Variants in SLC25A33 observed in about 807,000 individuals in gnomAD.
The protein encoded by SLC25A33 is solute carrier family 25 member 33, also known as bone marrow stromal cell mitochondrial carrier protein.
Under a neutral mutation model 35.5 loss-of-function variants are expected in SLC25A33, and 15 were observed. The ratio of observed to expected loss-of-function variants is 0.42; its 90% CI spans 0.28 to 0.65. SLC25A33 has a LOEUF of 0.65. Among genes scored for constraint, SLC25A33 ranks in the 30% least tolerant of loss-of-function variants. The probability of loss-of-function intolerance (pLI) is 0.20; values close to 1 mark genes in which losing one functional copy is unlikely to be tolerated. For missense variants in SLC25A33, 257 were observed against 398.5 expected (o/e 0.64, Z 3.02); for synonymous variants, 136 against 148.7 (o/e 0.91, Z 0.62).
chr1:9,563,189 G>A (rs998031125), intron 2 of SLC25A33, among the ~76,000 whole-genome samples: 7 of 152,282 alleles, frequency 4.6e-5, no homozygotes, highest in Admixed American at 1.3e-4. Flanking sequence ...CTCCCAGAGT[G>A]TTGGGATTAC....
chr1:9,561,924 G>A (rs947235837), intron 2 of SLC25A33, among the ~76,000 whole-genome samples: 1 of 152,038 alleles, frequency 6.6e-6, no homozygotes, highest in Admixed American at 6.6e-5. Context: ...CAGCTCGATC[G>A]TTTAAAAGAG....
chr1:9,557,202 G>A (rs1255189871), intron 2 of SLC25A33, among the ~76,000 whole-genome samples: 5 of 152,126 alleles, frequency 3.3e-5, no homozygotes, highest in African/African-American at 1.2e-4. Context: ...CAAAGTGCTG[G>A]GATTACAGGC....
rs183696555 is a variant in SLC25A33 at position 9,571,120 on chromosome 1, A to G, written c.415+762A>G. Among the ~76,000 whole-genome samples the G allele has an allele frequency of 1.7e-4, 26 of 152,228 alleles. No individual in the cohort carries two copies. The East Asian group carries it at 3.9e-3, about 23-fold the overall frequency. ...CCTGTCCCCAACTATGGGTTATGCA[A>G]TGAGGGTGTAGGGCTTGCAGTAGAG... On this transcript the variant is annotated intron_variant, in intron 4 of 6. Coordinates refer to ENST00000302692, the MANE Select transcript of SLC25A33 (RefSeq NM_032315.3).
rs1415830249 is a variant in SLC25A33, at chr1:9,578,237, G to A, written c.483-1717G>A. Among the ~76,000 whole-genome samples the A allele has an allele frequency of 2.0e-5, 3 of 152,082 alleles. No homozygotes were observed. Among genetic ancestry groups the A allele is most frequent in the East Asian group, 1.9e-4 (1 of 5,176 alleles). On this transcript the variant is annotated intron_variant, in intron 5 of 6. Coordinates refer to ENST00000302692, the MANE Select transcript of SLC25A33 (RefSeq NM_032315.3). The surrounding 1 kb of genome is among the most constrained non-coding windows in gnomAD (Gnocchi z 4.3). ...CCGGCCTCTGGATGGTTTTAAGCACGGGAGTTGCATGGTTGGATTTGTGTT... is the reference window on the plus strand; with the variant it reads ...CCGGCCTCTGGATGGTTTTAAGCACAGGAGTTGCATGGTTGGATTTGTGTT...
chr1:9,539,979 G>T (rs981241930), intron 1 of SLC25A33, among the ~76,000 whole-genome samples: 1 of 152,220 alleles, frequency 6.6e-6, no homozygotes, highest in South Asian at 2.1e-4. Context: ...GCTGTGCCCC[G>T]CCGCCCGTCC....
intron 2 of SLC25A33, among the ~76,000 whole-genome samples, chr1:9,564,157 C>A (rs116474081): frequency 1.3e-5 from 2 of 152,102 alleles, no homozygotes; most frequent in African/African-American, 4.8e-5. Context: ...ATTTAACCAA[C>A]GTGAATAACT....
intron 1 of SLC25A33, among the ~76,000 whole-genome samples, chr1:9,552,646 AG>A (rs1557526210): frequency 1.3e-3 from 205 of 152,334 alleles, no homozygotes; most frequent in African/African-American, 4.7e-3. Context: ...ATACTTTTCT[AG>A]AGTATTCATT....
At chr1:9,576,476 A>G (rs1348437578) in intron 5 of SLC25A33, 2 of 444,398 alleles carry the variant, frequency 4.5e-6, no homozygotes, top group South Asian at 3.4e-5. Flanking sequence ...GAAAATGTCA[A>G]CATTACCCTG....
At chr1:9,559,433 C>T (rs1025575131) in intron 2 of SLC25A33, among the ~76,000 whole-genome samples, 5 of 151,960 alleles carry the variant, frequency 3.3e-5, no homozygotes, top group African/African-American at 7.3e-5. Context: ...ACCCTCCCTC[C>T]GTGTAAATAA....
chr1:9,566,033 C>G (rs1482989320), intron 2 of SLC25A33, among the ~76,000 whole-genome samples: 1 of 151,232 alleles, frequency 6.6e-6, no homozygotes, highest in African/African-American at 2.4e-5. Context: ...CCCCCGCCAA[C>G]TTTTTTTTTG....
At chr1:9,553,887 A>G in intron 2 of SLC25A33, 82 bp downstream of exon 2, 4 of 1,414,592 alleles carry the variant, frequency 2.8e-6, no homozygotes, top group East Asian at 4.9e-5. Context: ...AAGCTTATCA[A>G]ATGTGATGTT....
At chr1:9,544,343 G>A (rs1252922368) in intron 1 of SLC25A33, among the ~76,000 whole-genome samples, 6 of 147,674 alleles carry the variant, frequency 4.1e-5, no homozygotes, top group African/African-American at 1.3e-4. Context: ...ATCTCGGCTC[G>A]CTGCAACCTC....
chr1:9,553,487 C>T, intron 1 of SLC25A33, 139 bp from the exon 2 acceptor site: 2 of 784,646 alleles, frequency 2.5e-6, no homozygotes, highest in Non-Finnish European at 4.0e-6. Context: ...CCCACCTCAG[C>T]CTCCCAAAGT....
At chr1:9,543,227 TC>T (rs927664134) in intron 1 of SLC25A33, among the ~76,000 whole-genome samples, 2 of 152,050 alleles carry the variant, frequency 1.3e-5, no homozygotes, top group African/African-American at 4.8e-5. Flanking sequence ...CACTGCAACC[TC>T]TACCTCCTGG....
rs1389851977 is a variant in SLC25A33 at position 9,567,342 on chromosome 1, G to T, written c.295G>T (p.Val99Phe). 19 of 1,613,922 alleles carry T rather than the reference G, an allele frequency of 1.2e-5. No individual in the cohort carries two copies. Among genetic ancestry groups the T allele is most frequent in the Non-Finnish European group, 1.5e-5 (18 of 1,179,996 alleles). ...SLFRGLGPNL[V>F]GVAPSRAVYF... ...TTTTAGAGGCTTGGGTCCAAATTTGGTTGGAGTTGCACCATCAAGGTAAGC... is the reference window on the plus strand; with the variant it reads ...TTTTAGAGGCTTGGGTCCAAATTTGTTTGGAGTTGCACCATCAAGGTAAGC... The change falls in exon 3 of 7, where the codon GTT (valine) becomes TTT (phenylalanine). Residue 99 changes from valine to phenylalanine, a missense_variant. Transcript: ENST00000302692.
chr1:9,539,710 C>A lies in SLC25A33; in HGVS notation c.19C>A (p.Gln7Lys). The A allele has an allele frequency of 7.1e-7, 1 of 1,401,440 alleles. No homozygotes were observed. Among genetic ancestry groups the A allele is most frequent in the Non-Finnish European group, 9.3e-7 (1 of 1,076,452 alleles). The allele number at this position is 1,401,440 out of a possible 1,614,324, so 86.8% of individuals were successfully genotyped here. ...CGCGGCCATGGCGACGGGCGGCCAG[C>A]AGAAGGAGAACACGCTGCTTCACCT... MATGGQ[Q>K]KENTLLHLFA... The change falls in exon 1 of 7, where the codon CAG becomes AAG. Residue 7 changes from glutamine (Q) to lysine (K), a missense_variant. Gln to Lys is a moderately conservative substitution (Grantham distance 53). Transcript: ENST00000302692.
At chr1:9,559,981 G>T (rs1643398623) in intron 2 of SLC25A33, among the ~76,000 whole-genome samples, 1 of 152,192 alleles carries the variant, frequency 6.6e-6, no homozygotes, top group Non-Finnish European at 1.5e-5. Context: ...GCTGGGCGCA[G>T]TGGCTCACCC....
chr1:9,558,242 C>T (rs937443560), intron 2 of SLC25A33, among the ~76,000 whole-genome samples: 2 of 152,216 alleles, frequency 1.3e-5, no homozygotes, highest in Admixed American at 6.5e-5. Context: ...GCTGCTTCTC[C>T]GCGAAGGCAG....
At chr1:9,540,028 T>G (rs1643053521) in intron 1 of SLC25A33, among the ~76,000 whole-genome samples, 1 of 151,408 alleles carries the variant, frequency 6.6e-6, no homozygotes, top group Non-Finnish European at 1.5e-5. Flanking sequence ...TTCTGAAGAG[T>G]CAGTGGCCGG....
Sources: gnomAD v4.1 joint callset for allele counts (sites outside exome capture counted in the v4.1 genomes callset) on GRCh38, gnomAD v4.1.1 for gene constraint, Gnocchi (gnomAD v3.1) non-coding constraint, MANE v1.5 for transcripts, NCBI Gene and HGNC (gene_info 2026-07-23, HGNC 2026-07-21) for gene names.